BIN2: variants seen among roughly 807,000 people sequenced by gnomAD.
BIN2 encodes the protein bridging integrator 2.
BIN2 carries 43 observed loss-of-function variants against 67.9 expected under a neutral mutation model. The observed-to-expected ratio is 0.63, with a 90% CI of 0.50 to 0.82. The LOEUF (loss-of-function observed/expected upper bound fraction) is 0.82. Ranked by LOEUF, BIN2 falls within the 40% of genes least tolerant of loss-of-function variation. The probability of loss-of-function intolerance (pLI) is 0.00; values close to 1 mark genes in which losing one functional copy is unlikely to be tolerated. For synonymous variants in BIN2, 244 were observed against 246.8 expected, an observed-to-expected ratio of 0.99 and a Z score of 0.11; for missense variants, 581 against 671.6, an observed-to-expected ratio of 0.87 and a Z score of 1.49.
intron 11 of BIN2, among the ~76,000 whole-genome samples, chr12:51,285,853 C>A (rs1945226213): frequency 6.6e-6 from 1 of 152,064 alleles, no homozygotes; most frequent in Non-Finnish European, 1.5e-5. Flanking sequence ...CTCAAGTGAT[C>A]CACTCCCCTC....
At chr12:51,293,379 G>A (rs979639333) in intron 9 of BIN2, among the ~76,000 whole-genome samples, 8 of 151,904 alleles carry the variant, frequency 5.3e-5, no homozygotes, top group South Asian at 2.1e-4. Flanking sequence ...GCGCGATCTC[G>A]GCTCACTGCA....
At chr12:51,309,520 G>A (rs940888331) in intron 2 of BIN2, among the ~76,000 whole-genome samples, 1 of 151,960 alleles carries the variant, frequency 6.6e-6, no homozygotes, top group Admixed American at 6.6e-5. Flanking sequence ...CTTATTATAG[G>A]TGTATCATTC....
chr12:51,313,792 C>A, intron 2 of BIN2, 31 bp downstream of exon 2: 1 of 1,584,080 alleles, frequency 6.3e-7, no homozygotes, highest in Non-Finnish European at 8.7e-7. Context: ...CTTTCTTCTT[C>A]CAAGCTTCCC....
intron 2 of BIN2, among the ~76,000 whole-genome samples, chr12:51,311,773 A>AT (rs369512960): frequency 4.0e-5 from 6 of 149,604 alleles, no homozygotes; most frequent in East Asian, 3.9e-4. Flanking sequence ...TTGATAATGA[A>AT]TTTTTTTTTT....
intron 1 of BIN2, among the ~76,000 whole-genome samples, chr12:51,321,650 G>C (rs1027119151): frequency 6.6e-6 from 1 of 152,050 alleles, no homozygotes; most frequent in African/African-American, 2.4e-5. Flanking sequence ...CCACCTGCCT[G>C]GGCCTCCCAA....
intron 12 of BIN2, among the ~76,000 whole-genome samples, chr12:51,284,195 T>C (rs1466789617): frequency 6.6e-6 from 1 of 152,110 alleles, no homozygotes; most frequent in African/African-American, 2.4e-5. Flanking sequence ...TTTTATTTTC[T>C]ATATGCTATT....
chr12:51,297,453 G>T (rs552768191), intron 7 of BIN2: 59 of 229,488 alleles, frequency 2.6e-4, no homozygotes, highest in African/African-American at 1.3e-3. Flanking sequence ...TGTAGTCCCA[G>T]CTACTCAGGA....
chr12:51,299,413 G>C, intron 6 of BIN2, 125 bp from the exon 7 acceptor site: 2 of 1,034,072 alleles, frequency 1.9e-6, no homozygotes, highest in South Asian at 2.8e-5. Context: ...TTCTTCCCCT[G>C]ACCATGCCCT....
intron 8 of BIN2, 43 bp from the exon 9 acceptor site, chr12:51,295,921 C>A (rs1237579547): frequency 1.3e-6 from 2 of 1,532,188 alleles, no homozygotes; most frequent in African/African-American, 1.4e-5. Context: ...CAACTGGGAA[C>A]CCGAGAGTGG....
At chr12:51,292,442 C>A in intron 9 of BIN2, 98 bp from the exon 10 acceptor site, 1 of 1,312,886 alleles carries the variant, frequency 7.6e-7, no homozygotes, top group South Asian at 1.6e-5. Context: ...AAGAATAAAG[C>A]AATTTAAAAT....
At chr12:51,282,150 T>C (rs1482701326) in intron 12 of BIN2, among the ~76,000 whole-genome samples, 1 of 152,194 alleles carries the variant, frequency 6.6e-6, no homozygotes, top group East Asian at 1.9e-4. Flanking sequence ...TTTTATAGAA[T>C]GCATTTTTTA....
chr12:51,307,138 C>A (rs914013583), intron 2 of BIN2, among the ~76,000 whole-genome samples: 2 of 151,674 alleles, frequency 1.3e-5, no homozygotes, highest in Non-Finnish European at 2.9e-5. Context: ...CAAAAATTAG[C>A]TGGGTGTGGT....
At chr12:51,323,939 T>C in intron 1 of BIN2, 83 bp downstream of exon 1, 1 of 1,555,826 alleles carries the variant, frequency 6.4e-7, no homozygotes, top group Non-Finnish European at 8.7e-7. Flanking sequence ...CTGAGCACCC[T>C]GCCCGCCCCT....
chr12:51,291,782 C>G lies in BIN2; in HGVS notation c.1324G>C (p.Gly442Arg). ...GCCCTAGGGCTGGTGGGTGAACCCC[C>G]TCCAGAGGCTGTAGGGCTGGAAGGT... ...NIPSSPTASG[G>R]GSPTSPRASL... The change falls in exon 10 of 13, where the codon GGG (glycine) becomes CGG (arginine). Residue 442 changes from glycine to arginine, a missense_variant. Coordinates refer to ENST00000615107, the MANE Select transcript of BIN2 (RefSeq NM_016293.4). The G allele has an allele frequency of 6.2e-7, 1 of 1,613,692 alleles. No homozygotes were observed.
At chr12:51,284,931 G>A in intron 11 of BIN2, 144 bp from the exon 12 acceptor site, 1 of 608,028 alleles carries the variant, frequency 1.6e-6, no homozygotes, top group South Asian at 2.0e-5. Context: ...TGTTTCACCA[G>A]AGCCTGAAGG....
intron 4 of BIN2, chr12:51,302,474 T>G: frequency 1.8e-6 from 1 of 557,504 alleles, no homozygotes; most frequent in Non-Finnish European, 3.2e-6. Flanking sequence ...GAGAAGAGGG[T>G]CAAAATTAGA....
At position 51,284,731 on chromosome 12, in the gene BIN2, A is replaced by G. The variant is rs141365457; in HGVS notation, c.1653T>C (p.Pro551=). 60 of 1,611,334 alleles carry G rather than the reference A, an allele frequency of 3.7e-5. No individual in the cohort carries two copies. The highest frequency in any genetic ancestry group is 4.6e-5 in the Non-Finnish European group (54 of 1,177,730). The change falls in exon 12 of 13, where the codon CCT becomes CCC. Residue 551 remains proline, a synonymous_variant. Coordinates refer to ENST00000615107, the MANE Select transcript of BIN2 (RefSeq NM_016293.4). The part of the protein sequence containing the change: ...MVPENNNLTA[P]EPQEEVSTSE... Reference sequence around the variant, plus strand: ...CTGGTCTTACCTCTTCTTGAGGTTCAGGTGCTGTGAGGTTGTTGTTTTCTG... The same window carrying G: ...CTGGTCTTACCTCTTCTTGAGGTTCGGGTGCTGTGAGGTTGTTGTTTTCTG...
intron 4 of BIN2, 84 bp downstream of exon 4, chr12:51,302,602 T>A: frequency 8.4e-7 from 1 of 1,184,148 alleles, no homozygotes; most frequent in Non-Finnish European, 1.2e-6. Context: ...GTTTTCCTAT[T>A]TTCTTGGATA....
intron 2 of BIN2, among the ~76,000 whole-genome samples, chr12:51,312,880 A>G (rs1197711690): frequency 6.6e-6 from 1 of 152,186 alleles, no homozygotes; most frequent in Non-Finnish European, 1.5e-5. Context: ...ATAGCTAATA[A>G]CCCATTAATA....
Sources: gnomAD v4.1 joint callset for allele counts (sites outside exome capture counted in the v4.1 genomes callset) on GRCh38, gnomAD v4.1.1 for gene constraint, MANE v1.5 for transcripts, NCBI Gene and HGNC (gene_info 2026-07-23, HGNC 2026-07-21) for gene names.